The following NXPE2 variants were observed in gnomAD, a reference collection of about 807,000 sequenced individuals.
NXPE2 encodes the protein neurexophilin and PC-esterase domain family member 2, also known as NXPE family member 2.
A neutral mutation model predicts 34.4 loss-of-function variants in NXPE2; 34 were observed. The ratio of observed to expected loss-of-function variants is 0.99; its 90% CI spans 0.75 to 1.31. The LOEUF is 1.31. Ranked by LOEUF, NXPE2 falls within the 40% of genes most tolerant of loss-of-function variation. NXPE2 has a pLI of 0.00. For missense variants in NXPE2, 649 were observed against 672.5 expected, an observed-to-expected ratio of 0.97 and a Z score of 0.39; for synonymous variants, 235 against 231.3, an observed-to-expected ratio of 1.02 and a Z score of -0.15.
At chr11:114,642,978 T>G in the NXPE2 span, among the ~76,000 whole-genome samples, 1 of 152,004 alleles carries the variant, frequency 6.6e-6, no homozygotes, top group African/African-American at 2.4e-5. Context: ...AGATCGTGGT[T>G]TTGTGGTTTT....
the NXPE2 span, among the ~76,000 whole-genome samples, chr11:114,639,121 C>G: frequency 2.0e-5 from 3 of 152,190 alleles, no homozygotes; most frequent in Non-Finnish European, 2.9e-5. Flanking sequence ...GGGCTCCACC[C>G]AGTTCGAGCT....
the NXPE2 span, among the ~76,000 whole-genome samples, chr11:114,664,138 T>C: frequency 3.3e-5 from 5 of 152,196 alleles, no homozygotes; most frequent in Admixed American, 3.3e-4. Context: ...GTCCTTCGAC[T>C]AATTAAACAA....
the NXPE2 span, among the ~76,000 whole-genome samples, chr11:114,617,431 A>G: frequency 6.6e-5 from 10 of 152,098 alleles, no homozygotes; most frequent in South Asian, 2.1e-3. Context: ...CCGGGTGGAT[A>G]ATAAGTATTG....
the NXPE2 span, among the ~76,000 whole-genome samples, chr11:114,656,715 G>C: frequency 6.6e-6 from 1 of 152,040 alleles, no homozygotes; most frequent in Non-Finnish European, 1.5e-5. Flanking sequence ...GCCAAATCAT[G>C]AAATTAATTA....
At chr11:114,619,255 A>G in the NXPE2 span, among the ~76,000 whole-genome samples, 1 of 150,066 alleles carries the variant, frequency 6.7e-6, no homozygotes, top group Non-Finnish European at 1.5e-5. Flanking sequence ...ATGCCTCTTG[A>G]GTAATCAATG....
upstream of NXPE2, among the ~76,000 whole-genome samples, chr11:114,673,841 C>T (rs564646973): frequency 2.0e-5 from 3 of 151,940 alleles, no homozygotes; most frequent in African/African-American, 7.2e-5. Flanking sequence ...GATAGCCTCC[C>T]TCAAATTGCT....
chr11:114,482,135 G>T, the NXPE2 span, among the ~76,000 whole-genome samples: 1 of 152,140 alleles, frequency 6.6e-6, no homozygotes, highest in African/African-American at 2.4e-5. Flanking sequence ...TACCGTGTCA[G>T]TAGCTATGCA....
At chr11:114,507,247 C>CAAAAAAAAAAAA in the NXPE2 span, among the ~76,000 whole-genome samples, 5 of 91,418 alleles carry the variant, frequency 5.5e-5, 2 homozygotes, top group African/African-American at 7.6e-5. Context: ...GCCAACCAAC[C>CAAAAAAAAAAAA]AAAAAAAAAA....
At chr11:114,480,698 G>A in the NXPE2 span, among the ~76,000 whole-genome samples, 1 of 152,126 alleles carries the variant, frequency 6.6e-6, no homozygotes, top group African/African-American at 2.4e-5. Flanking sequence ...TTAATACAGC[G>A]ACCGTTGGTT....
chr11:114,614,296 A>T, the NXPE2 span, among the ~76,000 whole-genome samples: 2 of 151,562 alleles, frequency 1.3e-5, no homozygotes, highest in Non-Finnish European at 2.9e-5. Flanking sequence ...TACCCGGTGG[A>T]TAGTAAGTAT....
chr11:114,625,423 C>T, the NXPE2 span, among the ~76,000 whole-genome samples: 3 of 151,638 alleles, frequency 2.0e-5, no homozygotes, highest in Non-Finnish European at 4.4e-5. Flanking sequence ...GCAACCACTT[C>T]TACCACATGG....
At chr11:114,686,799 A>G (rs1265215336) in intron 2 of NXPE2, among the ~76,000 whole-genome samples, 2 of 152,158 alleles carry the variant, frequency 1.3e-5, no homozygotes, top group African/African-American at 4.8e-5. Context: ...TGACTGTTTA[A>G]TAGTAGCCAT....
At chr11:114,756,587 T>C in the NXPE2 span, among the ~76,000 whole-genome samples, 151 of 152,296 alleles carry the variant, frequency 9.9e-4, 1 homozygote, top group Admixed American at 3.3e-3. Context: ...TCTTTATTAA[T>C]ATAATTGATG....
chr11:114,673,484 GA>G, the NXPE2 span, among the ~76,000 whole-genome samples: 6 of 151,022 alleles, frequency 4.0e-5, no homozygotes, highest in Admixed American at 6.6e-5. Flanking sequence ...AATCAGAGCA[GA>G]AAAATAGAGA....
At chr11:114,474,541 A>G in the NXPE2 span, among the ~76,000 whole-genome samples, 1 of 152,200 alleles carries the variant, frequency 6.6e-6, no homozygotes, top group Admixed American at 6.5e-5. Context: ...ACTTACAGTT[A>G]TCATTGGATT....
the NXPE2 span, among the ~76,000 whole-genome samples, chr11:114,645,726 A>G: frequency 2.6e-5 from 4 of 152,318 alleles, no homozygotes; most frequent in African/African-American, 9.6e-5. Flanking sequence ...AAGAATTCAT[A>G]TAAAGTGATA....
chr11:114,689,702 C>G (rs998876997), intron 2 of NXPE2, among the ~76,000 whole-genome samples: 3 of 151,994 alleles, frequency 2.0e-5, no homozygotes, highest in Non-Finnish European at 2.9e-5. Flanking sequence ...GTTGAAGTCC[C>G]TCAGTATTAT....
the NXPE2 span, among the ~76,000 whole-genome samples, chr11:114,725,462 A>C: frequency 6.6e-6 from 1 of 152,022 alleles, no homozygotes; most frequent in Non-Finnish European, 1.5e-5. Context: ...GCTGACCATG[A>C]TAAAACCTAT....
chr11:114,750,916 C>T, the NXPE2 span, among the ~76,000 whole-genome samples: 11 of 152,054 alleles, frequency 7.2e-5, no homozygotes, highest in East Asian at 3.8e-4. Flanking sequence ...AATGATTCAA[C>T]GTTTCAGTGC....
Sources: allele counts gnomAD v4.1 joint callset (sites outside exome capture counted in the v4.1 genomes callset), GRCh38; gene constraint gnomAD v4.1.1; transcripts MANE v1.5; gene names NCBI Gene and HGNC (gene_info 2026-07-23, HGNC 2026-07-21).